UPRT: variants seen among roughly 807,000 people sequenced by gnomAD.
UPRT encodes uracil phosphoribosyltransferase homolog.
UPRT carries 5 observed loss-of-function variants against 22.6 expected under a neutral mutation model. The ratio of observed to expected loss-of-function variants is 0.22; its 90% CI spans 0.12 to 0.47. The LOEUF is 0.47. Among genes scored for constraint, UPRT ranks in the 20% least tolerant of loss-of-function variants. The probability of loss-of-function intolerance (pLI) is 0.99; values close to 1 mark genes in which losing one functional copy is unlikely to be tolerated. For synonymous variants in UPRT, 77 were observed against 87.7 expected, an observed-to-expected ratio of 0.88 and a Z score of 0.68; for missense variants, 181 against 239.9, an observed-to-expected ratio of 0.75 and a Z score of 1.62.
intron 4 of UPRT, among the ~76,000 whole-genome samples, chrX:75,247,562 T>G (rs1168149066): frequency 1.8e-5 from 2 of 112,130 alleles, no homozygotes; most frequent in African/African-American, 6.5e-5. Flanking sequence ...GAGGCTTGAC[T>G]AGGTAAACAA....
chrX:75,177,244 C>CGCT (rs2082250445), intron 4 of UPRT, among the ~76,000 whole-genome samples: 3 of 109,460 alleles, frequency 2.7e-5, no homozygotes, highest in African/African-American at 1.0e-4. Context: ...GCAGCAGAAA[C>CGCT]AACCCCTGCC....
intron 4 of UPRT, among the ~76,000 whole-genome samples, chrX:75,197,945 A>G (rs1234181874): frequency 8.9e-6 from 1 of 112,558 alleles, no homozygotes; most frequent in African/African-American, 3.2e-5. Flanking sequence ...AAAGGCAAGC[A>G]TAAACCTACT....
intron 4 of UPRT, among the ~76,000 whole-genome samples, chrX:75,207,249 G>A (rs763814156): frequency 8.9e-6 from 1 of 112,380 alleles, no homozygotes; most frequent in South Asian, 3.7e-4. Flanking sequence ...AGTAGGATGA[G>A]GGACCTGGTT....
chrX:75,250,173 A>T (rs1021074184), intron 4 of UPRT, among the ~76,000 whole-genome samples: 12 of 111,280 alleles, frequency 1.1e-4, no homozygotes, highest in Non-Finnish European at 2.3e-4. Context: ...GAGCAAACAC[A>T]TTCAAAAGCT....
intron 4 of UPRT, among the ~76,000 whole-genome samples, chrX:75,178,913 C>T (rs1237119304): frequency 8.9e-6 from 1 of 111,927 alleles, no homozygotes; most frequent in Non-Finnish European, 1.9e-5. Flanking sequence ...TATCTGGCCT[C>T]ACCTACATCC....
intron 4 of UPRT, among the ~76,000 whole-genome samples, chrX:75,252,167 C>G (rs1168596494): frequency 8.9e-6 from 1 of 112,035 alleles, no homozygotes; most frequent in Non-Finnish European, 1.9e-5. Flanking sequence ...GACTTCATGT[C>G]TATAACACCA....
chrX:75,222,620 C>T lies in UPRT; in HGVS notation c.-447+54741C>T, dbSNP rs1216498831. Among the ~76,000 whole-genome samples the T allele has an allele frequency of 1.4e-4, 16 of 111,280 alleles. No homozygotes were observed. In the Admixed American group the frequency reaches 1.5e-3, roughly 11 times the overall value. ...GATTCTCTTCCCATGGCCACCACCC[C>T]ACAGGCCCATGGGGAACACTGCCAG... On this transcript the variant is annotated intron_variant, in intron 4 of 13. Coordinates refer to the UPRT transcript ENST00000652605.
At chrX:75,210,402 A>G (rs1259876901) in intron 4 of UPRT, among the ~76,000 whole-genome samples, 1 of 111,148 alleles carries the variant, frequency 9.0e-6, no homozygotes, top group Non-Finnish European at 1.9e-5. Flanking sequence ...AAGATGTGAG[A>G]TCCTTGGAAA....
intron 1 of UPRT, among the ~76,000 whole-genome samples, chrX:75,158,035 G>A (rs762674075): frequency 8.9e-6 from 1 of 112,340 alleles, no homozygotes; most frequent in East Asian, 2.8e-4. Flanking sequence ...TTTGAATGGA[G>A]CCAAATTATT....
intron 3 of UPRT, among the ~76,000 whole-genome samples, chrX:75,163,711 CA>C (rs2147600276): frequency 8.9e-6 from 1 of 112,104 alleles, no homozygotes; most frequent in African/African-American, 3.2e-5. Context: ...ACTGAATGAA[CA>C]AAATGTGGTA....
In UPRT at chrX:75,166,750, T is replaced by A. The variant is rs768245484; in HGVS notation, c.-520-1056T>A. ...GAGCCCCCAGTAATAAATCTTCTCT[T>A]CTCCACAAAAGAAAACTAAAGACAT... On this transcript the variant is annotated intron_variant, in intron 3 of 13. Coordinates refer to the UPRT transcript ENST00000652605. Among the ~76,000 whole-genome samples, 3 of 112,317 alleles carry A rather than the reference T, an allele frequency of 2.7e-5. No individual in the cohort carries two copies. In the East Asian group the frequency reaches 8.4e-4, roughly 31 times the overall value.
intron 4 of UPRT, among the ~76,000 whole-genome samples, chrX:75,227,241 A>G (rs144719685): frequency 8.9e-6 from 1 of 111,851 alleles, no homozygotes; most frequent in South Asian, 3.8e-4. Context: ...CATTTTATCA[A>G]CTATTTAGTT....
chrX:75,186,365 G>C (rs2082291407), intron 4 of UPRT, among the ~76,000 whole-genome samples: 3 of 111,871 alleles, frequency 2.7e-5, no homozygotes, highest in Admixed American at 9.5e-5. Flanking sequence ...CTTCTAGTTT[G>C]ATTGCACTGT....
chrX:75,290,933 C>A (rs1200644256), intron 1 of UPRT, among the ~76,000 whole-genome samples: 3 of 110,952 alleles, frequency 2.7e-5, no homozygotes, highest in African/African-American at 9.8e-5. Flanking sequence ...TGCACATGTA[C>A]CCCCTGAATG....
intron 1 of UPRT, among the ~76,000 whole-genome samples, chrX:75,278,161 A>G (rs1229871501): frequency 9.0e-6 from 1 of 111,655 alleles, no homozygotes; most frequent in African/African-American, 3.3e-5. Flanking sequence ...GGTCCTTAGC[A>G]TCTATATAGT....
At chrX:75,287,491 A>G (rs2147695668) in intron 1 of UPRT, among the ~76,000 whole-genome samples, 1 of 111,983 alleles carries the variant, frequency 8.9e-6, no homozygotes. Flanking sequence ...CTACTATGAG[A>G]TGTAGATATT....
In UPRT at chrX:75,304,292, G is replaced by C. The variant is rs1259545386; in HGVS notation, c.*781G>C. ...GGAATTGGTGGTTTTTCTGAAGTGT[G>C]GGGGAAAGGGTGGTTTCTTGCTGGA... On this transcript the variant is annotated 3_prime_UTR_variant, in exon 7 of 7. Coordinates refer to ENST00000373383, the MANE Select transcript of UPRT (RefSeq NM_145052.4). The C allele has an allele frequency of 9.0e-6, 1 of 111,541 alleles. No individual in the cohort carries two copies. The highest frequency in any genetic ancestry group is 2.8e-4 in the East Asian group (1 of 3,530). 9.2% of individuals were successfully genotyped at this position (111,541 alleles called of 1,213,427 possible).
chrX:75,280,427 C>A (rs1324390560), intron 1 of UPRT, among the ~76,000 whole-genome samples: 1 of 111,972 alleles, frequency 8.9e-6, no homozygotes, highest in East Asian at 2.8e-4. Flanking sequence ...GCCCTTAATC[C>A]ATCTTGAGTT....
At chrX:75,163,773 G>A (rs752575692) in intron 3 of UPRT, among the ~76,000 whole-genome samples, 2 of 112,029 alleles carry the variant, frequency 1.8e-5, no homozygotes, top group African/African-American at 6.5e-5. Context: ...TGAAAAGCAT[G>A]TTTTGGAAAC....
Sources: allele counts gnomAD v4.1 joint callset (sites outside exome capture counted in the v4.1 genomes callset), GRCh38; gene constraint gnomAD v4.1.1; transcripts MANE v1.5; gene names NCBI Gene and HGNC (gene_info 2026-07-23, HGNC 2026-07-21).